The following ZFAND6 variants were observed in gnomAD, a reference collection of about 807,000 sequenced individuals.
ZFAND6 encodes the protein zinc finger AN1-type containing 6, also known as AN1-type zinc finger protein 6.
ZFAND6 carries 12 observed loss-of-function variants against 24.5 expected under a neutral mutation model. The ratio of observed to expected loss-of-function variants is 0.49; its 90% confidence interval spans 0.31 to 0.79. The LOEUF is 0.79. ZFAND6 is among the 30% of genes least tolerant of loss of function. The pLI is 0.04. For synonymous variants in ZFAND6, 92 were observed against 81.5 expected, an observed-to-expected ratio of 1.13 and a Z score of -0.69; for missense variants, 207 against 245.9, an observed-to-expected ratio of 0.84 and a Z score of 1.06.
intron 2 of ZFAND6, among the ~76,000 whole-genome samples, chr15:80,099,424 TA>T (rs1354562767): frequency 3.9e-5 from 6 of 152,184 alleles, no homozygotes; most frequent in African/African-American, 7.2e-5. Flanking sequence ...CAGAGACTTA[TA>T]AAATCTTGTT....
chr15:80,131,563 C>T (rs2040604141), intron 6 of ZFAND6: 1 of 417,484 alleles, frequency 2.4e-6, no homozygotes, highest in Admixed American at 4.0e-5. Flanking sequence ...TGTGAAAGGT[C>T]AAAGATGTGG....
chr15:80,113,704 CAACA>C, intron 2 of ZFAND6, among the ~76,000 whole-genome samples: 1 of 152,040 alleles, frequency 6.6e-6, no homozygotes, highest in East Asian at 1.9e-4. Flanking sequence ...TGTGTTTACT[CAACA>C]AAATATTTTG....
In ZFAND6 at chr15:80,105,609, G is replaced by A. The variant is rs148539995; in HGVS notation, c.-18+7031G>A. On this transcript the variant is annotated intron_variant, in intron 2 of 6. Transcript: ENST00000261749. ...CCTCAAAATTCTATGAGTTAGAAAG[G>A]ACAGGCATCATAACTATCTTAAATG... 1.6e-3 allele frequency among the ~76,000 whole-genome samples: 246 copies of A among 152,284 alleles called. 1 individual carries two copies. The highest frequency in any genetic ancestry group is 5.7e-3 in the African/African-American group (239 of 41,566).
intron 6 of ZFAND6, among the ~76,000 whole-genome samples, chr15:80,134,458 G>A (rs2142064304): frequency 6.6e-6 from 1 of 152,222 alleles, no homozygotes; most frequent in South Asian, 2.1e-4. Context: ...GGTACTCTTT[G>A]GAAAAGATTG....
At chr15:80,108,699 A>C (rs1011541467) in intron 2 of ZFAND6, among the ~76,000 whole-genome samples, 8 of 151,938 alleles carry the variant, frequency 5.3e-5, no homozygotes, top group Non-Finnish European at 1.2e-4. Flanking sequence ...GATGCCCAAA[A>C]GCTTGGAGCA....
chr15:80,111,957 T>G (rs1284185691), intron 2 of ZFAND6, among the ~76,000 whole-genome samples: 2 of 152,012 alleles, frequency 1.3e-5, no homozygotes, highest in Non-Finnish European at 2.9e-5. Flanking sequence ...ACAGAAGAAA[T>G]CTGGAAAAAA....
chr15:80,064,027 A>C (rs2036477008), intron 1 of ZFAND6, among the ~76,000 whole-genome samples: 1 of 152,240 alleles, frequency 6.6e-6, no homozygotes, highest in African/African-American at 2.4e-5. Flanking sequence ...GCCACATATG[A>C]CTAGTGGTTA....
chr15:80,129,299 G>T (rs2040497179), intron 5 of ZFAND6, among the ~76,000 whole-genome samples: 1 of 152,178 alleles, frequency 6.6e-6, no homozygotes, highest in Non-Finnish European at 1.5e-5. Flanking sequence ...CCCCTGTCTG[G>T]TTTCAGCATG....
intron 1 of ZFAND6, chr15:80,060,404 T>C (rs535357856): frequency 7.8e-6 from 1 of 127,898 alleles, no homozygotes; most frequent in South Asian, 2.9e-4. Context: ...TTTTGTCTGC[T>C]TTTTTGAAAT....
chr15:80,067,323 C>T (rs574243424), intron 1 of ZFAND6, among the ~76,000 whole-genome samples: 150 of 152,230 alleles, frequency 9.9e-4, no homozygotes, highest in African/African-American at 3.5e-3. Context: ...ATTATTTCTA[C>T]TGTTTTCAGT....
At chr15:80,111,280 T>C (rs2039595395) in intron 2 of ZFAND6, 2 of 319,916 alleles carry the variant, frequency 6.3e-6, no homozygotes, top group South Asian at 5.3e-5. Flanking sequence ...GATGAACATA[T>C]ATCAGTCATC....
intron 1 of ZFAND6, among the ~76,000 whole-genome samples, chr15:80,067,667 T>G (rs535717340): frequency 6.6e-6 from 1 of 152,172 alleles, no homozygotes; most frequent in African/African-American, 2.4e-5. Context: ...AGTGGCCTTA[T>G]GTGGCTAGTG....
intron 1 of ZFAND6, among the ~76,000 whole-genome samples, chr15:80,064,965 A>T (rs1485787441): frequency 1.4e-5 from 2 of 147,722 alleles, no homozygotes; most frequent in African/African-American, 5.0e-5. Context: ...CATTTACCTA[A>T]CAGTGTTGTC....
At position 80,109,777 on chromosome 15, in the gene ZFAND6, G is replaced by GAT. The variant is rs1166325635; in HGVS notation, c.-17-10543_-17-10542dup. ...AGTATAGCGGGGCAAGAAGCAGGGA[G>GAT]ATATATATACCAGAAGCTGTGTTAT... On this transcript the variant is annotated intron_variant, in intron 2 of 6. Transcript: ENST00000261749. Among the ~76,000 whole-genome samples the GAT allele has an allele frequency of 4.6e-5, 7 of 152,320 alleles. No homozygotes were observed. The East Asian group carries it at 9.6e-4, about 21-fold the overall frequency.
intron 2 of ZFAND6, among the ~76,000 whole-genome samples, chr15:80,101,377 C>T (rs1210960383): frequency 2.6e-5 from 4 of 152,036 alleles, no homozygotes; most frequent in Non-Finnish European, 5.9e-5. Flanking sequence ...GCAGGAGAAT[C>T]GCTTGAACCC....
intron 1 of ZFAND6, among the ~76,000 whole-genome samples, chr15:80,067,828 T>A (rs80315690): frequency 0.038 from 5,774 of 152,308 alleles, 148 homozygotes; most frequent in Non-Finnish European, 0.052. Context: ...GTATTAAGTT[T>A]GAAATAGGAA....
At chr15:80,090,193 G>C (rs1368536368) in intron 1 of ZFAND6, among the ~76,000 whole-genome samples, 5 of 152,156 alleles carry the variant, frequency 3.3e-5, no homozygotes, top group Admixed American at 2.6e-4. Flanking sequence ...TTTGAAGCCA[G>C]ATGTACATTT....
chr15:80,134,830 C>T (rs144639789), intron 6 of ZFAND6, among the ~76,000 whole-genome samples: 3 of 152,198 alleles, frequency 2.0e-5, no homozygotes, highest in African/African-American at 7.2e-5. Context: ...AACAGATTGA[C>T]ACTAGACAGT....
chr15:80,108,953 C>T (rs1340195045), intron 2 of ZFAND6, among the ~76,000 whole-genome samples: 1 of 152,090 alleles, frequency 6.6e-6, no homozygotes, highest in Non-Finnish European at 1.5e-5. Flanking sequence ...GTCTTGAACT[C>T]CTGACCTCAA....
Sources: allele counts gnomAD v4.1 joint callset (sites outside exome capture counted in the v4.1 genomes callset), GRCh38; gene constraint gnomAD v4.1.1; transcripts MANE v1.5; gene names NCBI Gene and HGNC (gene_info 2026-07-23, HGNC 2026-07-21).